MCFD2: variants seen among roughly 807,000 people sequenced by gnomAD.
The protein encoded by MCFD2 is multiple coagulation factor deficiency protein 2.
MCFD2 carries 11 observed loss-of-function variants against 12.8 expected under a neutral mutation model. The ratio of observed to expected loss-of-function variants is 0.86; its 90% CI spans 0.54 to 1.42. The LOEUF is 1.42. Ranked by LOEUF, MCFD2 falls within the 40% of genes most tolerant of loss-of-function variation. The pLI is 0.00. For synonymous variants in MCFD2, 70 were observed against 68.1 expected (o/e 1.03, Z -0.14); for missense variants, 191 against 178.6 (o/e 1.07, Z -0.40).
chr2:46,918,902 AACCAGGAGTCTCAT>A (rs1380890871), upstream of MCFD2, among the ~76,000 whole-genome samples: 1 of 152,244 alleles, frequency 6.6e-6, no homozygotes, highest in African/African-American at 2.4e-5. Context: ...CTTTACCTGC[AACCAGGAGTCTCAT>A]AACTTGGAAC....
chr2:46,921,833 C>T (rs767809126), intron 1 of MCFD2, among the ~76,000 whole-genome samples: 1 of 152,140 alleles, frequency 6.6e-6, no homozygotes, highest in African/African-American at 2.4e-5. Flanking sequence ...CAGTAGGGTT[C>T]GCGTTCCTGT....
rs745541521 is a variant in MCFD2, at chr2:46,908,150, A to G, written c.150-181T>C. The G allele has an allele frequency of 1.3e-5, 9 of 681,650 alleles. No homozygotes were observed. The highest frequency in any genetic ancestry group is 3.6e-5 in the African/African-American group (2 of 56,172). 42.2% of individuals were successfully genotyped at this position (681,650 alleles called of 1,614,324 possible). ...GACAAGGCCTTGAGAGGAGCAGGAA[A>G]AGTCAAATAGACCATCTGTTATGCT... On this transcript the variant is annotated intron_variant, in intron 2 of 3. Coordinates refer to ENST00000319466, the MANE Select transcript of MCFD2 (RefSeq NM_139279.6). The surrounding 1 kb of genome is among the most constrained non-coding windows in gnomAD (Gnocchi z 4.5).
At chr2:46,915,688 C>A in intron 1 of MCFD2, 35 bp downstream of exon 1, 1 of 869,652 alleles carries the variant, frequency 1.1e-6, no homozygotes, top group Non-Finnish European at 1.4e-6. Flanking sequence ...GCGCCGGGAT[C>A]CCGCCCGCTG....
chr2:46,921,679 G>C (rs1314364611), intron 1 of MCFD2, among the ~76,000 whole-genome samples: 1 of 152,222 alleles, frequency 6.6e-6, no homozygotes, highest in Non-Finnish European at 1.5e-5. Flanking sequence ...CCAGGGACCA[G>C]TTTCATGGAA....
chr2:46,916,316 G>A (rs73926959), upstream of MCFD2: 1,950 of 365,582 alleles, frequency 5.3e-3, 44 homozygotes, highest in African/African-American at 0.039. Context: ...TCCAGCGTCT[G>A]CCAGCTCCAC....
intron 1 of MCFD2, chr2:46,913,660 G>A (rs1668575185): frequency 6.6e-6 from 1 of 152,342 alleles, no homozygotes; most frequent in Non-Finnish European, 1.5e-5. Flanking sequence ...CCCAACGGAG[G>A]AGAAATTTCT....
In MCFD2 at chr2:46,927,162, A is replaced by C. The variant is rs138536738; in HGVS notation, c.-8+14410T>G. On this transcript the variant is annotated intron_variant, in intron 1 of 2. Coordinates refer to the MCFD2 transcript ENST00000409147. Reference sequence around the variant, plus strand: ...TTGGAGTCACAGGAGGAGAGGAGAGAATGAGCAAAGACAGTATTTGAAGAG... The same window carrying C: ...TTGGAGTCACAGGAGGAGAGGAGAGCATGAGCAAAGACAGTATTTGAAGAG... Among the ~76,000 whole-genome samples, 388 of 152,210 alleles carry C rather than the reference A, an allele frequency of 2.5e-3. 1 individual carries two copies. The highest frequency in any genetic ancestry group is 8.6e-3 in the African/African-American group (359 of 41,538).
chr2:46,925,115 A>ATTAT (rs1156850754), intron 1 of MCFD2, among the ~76,000 whole-genome samples: 1 of 152,114 alleles, frequency 6.6e-6, no homozygotes, highest in Non-Finnish European at 1.5e-5. Context: ...TTGGTTTTCA[A>ATTAT]TTATTTATTT....
chr2:46,912,438 G>C (rs1668525304), intron 1 of MCFD2: 1 of 152,262 alleles, frequency 6.6e-6, no homozygotes, highest in Non-Finnish European at 1.5e-5. Context: ...TGACTGCCTA[G>C]GCCATAGCAG....
Position 46,905,078 on chromosome 2 carries a change from G to A in MCFD2, c.*385C>T. 3.1e-6 allele frequency: 1 copy of A among 327,248 alleles called. No individual in the cohort carries two copies. Among genetic ancestry groups the A allele is most frequent in the Non-Finnish European group, 5.8e-6 (1 of 173,150 alleles). 20.3% of individuals were successfully genotyped at this position (327,248 alleles called of 1,614,324 possible). On this transcript the variant is annotated 3_prime_UTR_variant, in exon 4 of 4. Coordinates refer to ENST00000319466, the MANE Select transcript of MCFD2 (RefSeq NM_139279.6). ...TTTTGCTTCTTCCTCATTTTCTCTTGCTGCCATGTAAGAAGTGCCTTTCAC... is the reference window on the plus strand; with the variant it reads ...TTTTGCTTCTTCCTCATTTTCTCTTACTGCCATGTAAGAAGTGCCTTTCAC...
chr2:46,918,339 G>C (rs933390417), upstream of MCFD2, among the ~76,000 whole-genome samples: 3 of 152,146 alleles, frequency 2.0e-5, no homozygotes, highest in Non-Finnish European at 2.9e-5. Context: ...TGTATCCTGA[G>C]TCTTTGACTT....
chr2:46,909,569 T>C (rs1668397897), intron 1 of MCFD2, among the ~76,000 whole-genome samples: 1 of 152,146 alleles, frequency 6.6e-6, no homozygotes, highest in African/African-American at 2.4e-5. Context: ...CTCTAGGAGT[T>C]CAGGGGAAGA....
In MCFD2 at chr2:46,940,999, C is replaced by T. The variant is rs1361602388; in HGVS notation, c.-8+573G>A. On this transcript the variant is annotated intron_variant, in intron 1 of 2. Coordinates refer to the MCFD2 transcript ENST00000409147. This position sits in a 1 kb window ranked among gnomAD's most constrained non-coding sequence, Gnocchi z 4.7. ...CGGGAAGCGAGGCGCCCCCGGGCGC[C>T]GGGGCTCCGCGCGGGATTAAAGTGA... Among the ~76,000 whole-genome samples, 6 of 151,522 alleles carry T rather than the reference C, an allele frequency of 4.0e-5. No homozygotes were observed. Among genetic ancestry groups the T allele is most frequent in the Admixed American group, 6.6e-5 (1 of 15,258 alleles).
chr2:46,928,508 A>G (rs1669524617), intron 1 of MCFD2, among the ~76,000 whole-genome samples: 1 of 151,268 alleles, frequency 6.6e-6, no homozygotes, highest in East Asian at 1.9e-4. Flanking sequence ...GTGGTGGCTC[A>G]CACTTATATC....
At position 46,941,469 on chromosome 2, in the gene MCFD2, C is replaced by T; in HGVS notation, c.-8+103G>A. ...CCGTCGACCCCGCCCGCGAGTGCGC[C>T]CCAGCCAGGACGCCGCCCCCGGCCG... On this transcript the variant is annotated intron_variant, in intron 1 of 2. Transcript: ENST00000409147. This position sits in a 1 kb window ranked among gnomAD's most constrained non-coding sequence, Gnocchi z 4.2. 1 of 1,502,440 alleles carries T rather than the reference C, an allele frequency of 6.7e-7. No homozygotes were observed. The highest frequency in any genetic ancestry group is 1.2e-5 in the South Asian group (1 of 80,104). The allele number at this position is 1,502,440 out of a possible 1,614,324, so 93.1% of individuals were successfully genotyped here.
chr2:46,921,620 T>C (rs1379323639), intron 1 of MCFD2, among the ~76,000 whole-genome samples: 2 of 152,194 alleles, frequency 1.3e-5, no homozygotes, highest in East Asian at 1.9e-4. Flanking sequence ...CATTAAACTC[T>C]ATCAACAAAA....
intron 1 of MCFD2, among the ~76,000 whole-genome samples, chr2:46,913,444 A>T (rs1226745553): frequency 6.6e-6 from 1 of 152,190 alleles, no homozygotes; most frequent in East Asian, 1.9e-4. Flanking sequence ...GGAGGGAAAG[A>T]TAGAAAACAG....
At chr2:46,906,637 C>T (rs907866700) in intron 3 of MCFD2, among the ~76,000 whole-genome samples, 1 of 151,152 alleles carries the variant, frequency 6.6e-6, no homozygotes, top group African/African-American at 2.4e-5. Flanking sequence ...GCTGGGATTA[C>T]AGGCAAGCAT....
intron 1 of MCFD2, among the ~76,000 whole-genome samples, chr2:46,933,644 A>T (rs1162783044): frequency 6.6e-6 from 1 of 152,218 alleles, no homozygotes; most frequent in Non-Finnish European, 1.5e-5. Flanking sequence ...GGTAATGAGT[A>T]AAAGTTGATT....
Sources: allele counts gnomAD v4.1 joint callset (sites outside exome capture counted in the v4.1 genomes callset), GRCh38; gene constraint gnomAD v4.1.1; non-coding constraint Gnocchi (gnomAD v3.1); transcripts MANE v1.5; gene names NCBI Gene and HGNC (gene_info 2026-07-23, HGNC 2026-07-21).